The following THSD7B variants were observed in gnomAD, a reference collection of about 807,000 sequenced individuals.
THSD7B encodes thrombospondin type 1 domain containing 7B, also known as thrombospondin type-1 domain-containing protein 7B.
Under a neutral mutation model 213.6 loss-of-function variants are expected in THSD7B, and 138 were observed. The ratio of observed to expected loss-of-function variants is 0.65; its 90% CI spans 0.56 to 0.74. THSD7B has a LOEUF of 0.74. THSD7B is among the 30% of genes least tolerant of loss of function. The pLI, the probability that THSD7B is intolerant of heterozygous loss-of-function variation, is 0.00. For missense variants in THSD7B, 1,931 were observed against 1,991.5 expected, an observed-to-expected ratio of 0.97 and a Z score of 0.58; for synonymous variants, 742 against 687.0, an observed-to-expected ratio of 1.08 and a Z score of -1.25.
chr2:136,982,480 A>G (rs7567733), intron 2 of THSD7B, among the ~76,000 whole-genome samples: 37,424 of 152,076 alleles, frequency 0.25, 5,130 homozygotes, highest in East Asian at 0.58. Flanking sequence ...GTAAAAATGT[A>G]CTTCTCATTC....
At chr2:137,387,836 T>A (rs1685930240) in intron 12 of THSD7B, among the ~76,000 whole-genome samples, 1 of 152,140 alleles carries the variant, frequency 6.6e-6, no homozygotes, top group South Asian at 2.1e-4. Context: ...TGTCTACTCT[T>A]CCCTTCTATG....
chr2:137,626,244 C>A (rs1406376084), intron 20 of THSD7B, among the ~76,000 whole-genome samples: 1 of 152,072 alleles, frequency 6.6e-6, no homozygotes, highest in Non-Finnish European at 1.5e-5. Context: ...GGGCGGATCA[C>A]GAGGTCAGGA....
intron 12 of THSD7B, among the ~76,000 whole-genome samples, chr2:137,341,065 C>T (rs1383825378): frequency 8.7e-5 from 13 of 148,768 alleles, no homozygotes. Flanking sequence ...ACCAACAGTT[C>T]CCTTTTCTCG....
At chr2:136,788,491 T>A (rs1292622349) in intron 1 of THSD7B, among the ~76,000 whole-genome samples, 2 of 152,198 alleles carry the variant, frequency 1.3e-5, no homozygotes, top group Non-Finnish European at 1.5e-5. Flanking sequence ...AACTGAAGTA[T>A]AAATGTCAGA....
At chr2:137,427,514 C>T (rs1021609426) in intron 14 of THSD7B, among the ~76,000 whole-genome samples, 1 of 151,152 alleles carries the variant, frequency 6.6e-6, no homozygotes, top group South Asian at 2.1e-4. Context: ...ATTATTCAGT[C>T]TGAAAAAAAA....
chr2:136,932,602 T>C (rs909045806), intron 2 of THSD7B, among the ~76,000 whole-genome samples: 4 of 152,276 alleles, frequency 2.6e-5, no homozygotes, highest in East Asian at 3.9e-4. Flanking sequence ...GAAAACATTA[T>C]TGAGAAAATC....
chr2:136,916,825 T>C (rs538517559), intron 2 of THSD7B, among the ~76,000 whole-genome samples: 1 of 152,246 alleles, frequency 6.6e-6, no homozygotes, highest in East Asian at 1.9e-4. Flanking sequence ...CACTTAGTAG[T>C]TTACAGTGGA....
chr2:137,218,786 T>C (rs1438897884), intron 7 of THSD7B, among the ~76,000 whole-genome samples: 1 of 152,158 alleles, frequency 6.6e-6, no homozygotes, highest in African/African-American at 2.4e-5. Context: ...CTGATTGTTA[T>C]CTTTCCAATA....
In THSD7B at chr2:137,367,386, G is replaced by T. The variant is rs1397129733; in HGVS notation, c.2501-38227G>T. On this transcript the variant is annotated intron_variant, in intron 12 of 27. Coordinates refer to ENST00000409968, the MANE Select transcript of THSD7B (RefSeq NM_001316349.2). ...AGCAGGTTACACAGATAGGTTTTTA[G>T]GGTAGGAGTAATGCAATTGACAGTG... Among the ~76,000 whole-genome samples, 4 of 152,098 alleles carry T rather than the reference G, an allele frequency of 2.6e-5. No homozygotes were observed. In the East Asian group the frequency reaches 7.7e-4, roughly 29 times the overall value.
chr2:137,391,079 C>A (rs2104978418), intron 12 of THSD7B, among the ~76,000 whole-genome samples: 1 of 152,166 alleles, frequency 6.6e-6, no homozygotes, highest in South Asian at 2.1e-4. Flanking sequence ...GTGAATCCAT[C>A]TGATCCTCAG....
chr2:137,001,734 C>G (rs2104825582), intron 2 of THSD7B, among the ~76,000 whole-genome samples: 1 of 152,218 alleles, frequency 6.6e-6, no homozygotes, highest in East Asian at 1.9e-4. Flanking sequence ...GACCATTTAT[C>G]TATGTTTAGC....
At chr2:137,010,139 T>G (rs1686199724) in intron 2 of THSD7B, among the ~76,000 whole-genome samples, 1 of 152,178 alleles carries the variant, frequency 6.6e-6, no homozygotes, top group Admixed American at 6.5e-5. Flanking sequence ...TGTAGACATC[T>G]TCAATTGATT....
At chr2:137,401,004 A>T (rs1421025784) in intron 12 of THSD7B, among the ~76,000 whole-genome samples, 3 of 152,200 alleles carry the variant, frequency 2.0e-5, no homozygotes, top group Non-Finnish European at 4.4e-5. Context: ...CATGCCAAAG[A>T]GTTAGCACAG....
intron 3 of THSD7B, among the ~76,000 whole-genome samples, chr2:137,075,818 G>A (rs1221374568): frequency 6.6e-6 from 1 of 152,182 alleles, no homozygotes; most frequent in Non-Finnish European, 1.5e-5. Context: ...AGGACCCTCA[G>A]CTGCAGGTCT....
intron 15 of THSD7B, among the ~76,000 whole-genome samples, chr2:137,472,750 G>C (rs1438795865): frequency 6.6e-6 from 1 of 152,162 alleles, no homozygotes; most frequent in Non-Finnish European, 1.5e-5. Flanking sequence ...GGTTTTGAGA[G>C]GCTAGTTGCA....
chr2:137,025,551 C>T lies in THSD7B; in HGVS notation c.140-30869C>T, dbSNP rs188485487. Among the ~76,000 whole-genome samples, 81 of 152,178 alleles carry T rather than the reference C, an allele frequency of 5.3e-4. 1 individual carries two copies. Among genetic ancestry groups the T allele is most frequent in the African/African-American group, 2.0e-3 (81 of 41,524 alleles). The stretch of plus-strand genomic sequence containing the variant: ...CACTTCTGTGGAGTTTTTTTATTTG[C>T]ACACACTCAAAGTTGGTTGGCAGAC... On this transcript the variant is annotated intron_variant, in intron 2 of 27. Coordinates refer to ENST00000409968, the MANE Select transcript of THSD7B (RefSeq NM_001316349.2).
Position 137,020,490 on chromosome 2 carries a change from C to T in THSD7B, c.140-35930C>T, listed in dbSNP as rs375154698. Among the ~76,000 whole-genome samples the T allele has an allele frequency of 5.4e-4, 82 of 152,248 alleles. 1 individual carries two copies. Among genetic ancestry groups the T allele is most frequent in the African/African-American group, 2.0e-3 (82 of 41,548 alleles). On this transcript the variant is annotated intron_variant, in intron 2 of 27. Transcript: ENST00000409968. ...TTAAAAGGAACATACCTCGTGCAAGCCCCACCAGTGGGAACACGCATGTAC... is the reference window on the plus strand; with the variant it reads ...TTAAAAGGAACATACCTCGTGCAAGTCCCACCAGTGGGAACACGCATGTAC...
At chr2:137,472,499 T>C (rs1688111951) in intron 15 of THSD7B, among the ~76,000 whole-genome samples, 1 of 152,174 alleles carries the variant, frequency 6.6e-6, no homozygotes. Flanking sequence ...CAAAAAAAAT[T>C]AAGTGGCATT....
intron 21 of THSD7B, among the ~76,000 whole-genome samples, chr2:137,647,504 C>G (rs949566152): frequency 1.4e-5 from 2 of 138,862 alleles, no homozygotes; most frequent in Non-Finnish European, 3.0e-5. Flanking sequence ...GTCTCTTGCT[C>G]CCACCTTCAC....
Sources: gnomAD v4.1 joint callset for allele counts (sites outside exome capture counted in the v4.1 genomes callset) on GRCh38, gnomAD v4.1.1 for gene constraint, MANE v1.5 for transcripts, NCBI Gene and HGNC (gene_info 2026-07-23, HGNC 2026-07-21) for gene names.